STPG2: variants seen among roughly 807,000 people sequenced by gnomAD.
STPG2 encodes the protein sperm-tail PG-rich repeat-containing protein 2.
Under a neutral mutation model 54.2 loss-of-function variants are expected in STPG2, and 56 were observed. The ratio of observed to expected loss-of-function variants is 1.03; its 90% CI spans 0.83 to 1.29. The LOEUF is 1.29. Among genes scored for constraint, STPG2 ranks in the 50% most tolerant of loss-of-function variants. STPG2 has a pLI of 0.00. For missense variants in STPG2, 596 were observed against 544.9 expected (o/e 1.09, Z -0.93); for synonymous variants, 200 against 181.8 (o/e 1.10, Z -0.81).
Position 97,957,900 on chromosome 4 carries a change from C to T in STPG2, c.934-13893G>A, listed in dbSNP as rs780662693. ...ATTTGCCACTACCAGGCCAGTACTA[C>T]AAGAACTGCTAAAAGGAGCCCTAAA... On this transcript the variant is annotated intron_variant, in intron 7 of 10. Coordinates refer to ENST00000295268, the MANE Select transcript of STPG2 (RefSeq NM_174952.3). Among the ~76,000 whole-genome samples the T allele has an allele frequency of 3.9e-5, 6 of 152,158 alleles. No homozygotes were observed. The South Asian group carries it at 8.3e-4, about 21-fold the overall frequency.
intron 10 of STPG2, among the ~76,000 whole-genome samples, chr4:97,636,692 C>T (rs967502401): frequency 2.0e-5 from 3 of 152,088 alleles, no homozygotes; most frequent in African/African-American, 7.2e-5. Flanking sequence ...TACAAACTAC[C>T]ATCAGAGAAA....
chr4:97,877,858 C>T (rs1312468605), intron 8 of STPG2, among the ~76,000 whole-genome samples: 3 of 152,174 alleles, frequency 2.0e-5, no homozygotes, highest in Non-Finnish European at 4.4e-5. Flanking sequence ...AGTCCACAGT[C>T]CAAAGTCTCA....
At chr4:97,830,507 C>G (rs1195617976) in intron 9 of STPG2, among the ~76,000 whole-genome samples, 4 of 152,122 alleles carry the variant, frequency 2.6e-5, no homozygotes, top group Non-Finnish European at 4.4e-5. Flanking sequence ...ATGACAGGAT[C>G]AAGTTCACAC....
intron 10 of STPG2, among the ~76,000 whole-genome samples, chr4:97,689,197 C>T (rs547804396): frequency 6.6e-6 from 1 of 152,202 alleles, no homozygotes; most frequent in South Asian, 2.1e-4. Flanking sequence ...TGATGTAAAA[C>T]TTTTTGTATT....
At chr4:97,907,083 G>A (rs1162274121) in intron 8 of STPG2, among the ~76,000 whole-genome samples, 11 of 151,992 alleles carry the variant, frequency 7.2e-5, no homozygotes, top group Admixed American at 7.2e-4. Flanking sequence ...AATTGTCCCT[G>A]TTTGCAGACG....
At chr4:97,641,588 T>C (rs1389089172) in intron 10 of STPG2, among the ~76,000 whole-genome samples, 3 of 151,460 alleles carry the variant, frequency 2.0e-5, no homozygotes, top group Non-Finnish European at 4.4e-5. Context: ...TAACTTTTAT[T>C]ATTTCACTTT....
intron 9 of STPG2, among the ~76,000 whole-genome samples, chr4:97,820,624 T>C (rs193023874): frequency 6.6e-6 from 1 of 152,290 alleles, no homozygotes. Flanking sequence ...GACTGTGTAA[T>C]TTATAAAGAA....
intron 4 of STPG2, among the ~76,000 whole-genome samples, chr4:97,453,921 G>T (rs1729444120): frequency 6.6e-6 from 1 of 151,978 alleles, no homozygotes; most frequent in African/African-American, 2.4e-5. Flanking sequence ...AGAGGTGGAG[G>T]TATAAGGCTT....
intron 8 of STPG2, among the ~76,000 whole-genome samples, chr4:97,901,028 C>T (rs1248100534): frequency 1.3e-5 from 2 of 151,904 alleles, no homozygotes; most frequent in Non-Finnish European, 2.9e-5. Flanking sequence ...AACAAATCCA[C>T]ATTGCAAGTT....
At chr4:97,568,543 C>T (rs61042365) in intron 10 of STPG2, among the ~76,000 whole-genome samples, 16,211 of 151,930 alleles carry the variant, frequency 0.11, 2,571 homozygotes, top group African/African-American at 0.35. Flanking sequence ...TGGAAACAAC[C>T]ATACATACTG....
chr4:98,070,411 T>C (rs914048469), intron 5 of STPG2, among the ~76,000 whole-genome samples: 4 of 151,920 alleles, frequency 2.6e-5, no homozygotes, highest in African/African-American at 9.7e-5. Flanking sequence ...GCAAATATCA[T>C]ACTGAATGGG....
intron 5 of STPG2, among the ~76,000 whole-genome samples, chr4:97,993,128 G>A (rs573174777): frequency 6.6e-6 from 1 of 152,140 alleles, no homozygotes; most frequent in Non-Finnish European, 1.5e-5. Context: ...ATGTTGAGTA[G>A]AAGTGATGAA....
chr4:97,878,748 C>G (rs1361144771), intron 8 of STPG2, among the ~76,000 whole-genome samples: 1 of 152,158 alleles, frequency 6.6e-6, no homozygotes, highest in African/African-American at 2.4e-5. Flanking sequence ...CCCCATTATC[C>G]TGCATTGTCT....
rs73832126 is a variant in STPG2, at chr4:98,088,696, T to C, written c.612+17257A>G. 7.8e-3 allele frequency among the ~76,000 whole-genome samples: 1,139 copies of C among 145,830 alleles called. 16 individuals carry two copies. Among genetic ancestry groups the C allele is most frequent in the African/African-American group, 0.027 (1,064 of 39,388 alleles). On this transcript the variant is annotated intron_variant, in intron 5 of 10. Coordinates refer to ENST00000295268, the MANE Select transcript of STPG2 (RefSeq NM_174952.3). ...GGAAAAAAAAAAAAAAAAAAAACTC[T>C]AGCCATTCAAGAGCTTATTCTCTGC...
chr4:97,873,289 T>A (rs1313830192), intron 8 of STPG2, among the ~76,000 whole-genome samples: 1 of 151,240 alleles, frequency 6.6e-6, no homozygotes, highest in Non-Finnish European at 1.5e-5. Context: ...CAGTTTCCAT[T>A]ATTTTCAAAA....
intron 10 of STPG2, among the ~76,000 whole-genome samples, chr4:97,680,123 T>G (rs1722986307): frequency 6.6e-6 from 1 of 151,240 alleles, no homozygotes; most frequent in African/African-American, 2.4e-5. Flanking sequence ...CTTTTTTGGT[T>G]CCATATGAAC....
chr4:97,829,896 G>T (rs1027228484), intron 9 of STPG2, among the ~76,000 whole-genome samples: 5 of 152,128 alleles, frequency 3.3e-5, no homozygotes, highest in Non-Finnish European at 7.4e-5. Flanking sequence ...ATCTACGTTT[G>T]TTAGGTGTAC....
intron 8 of STPG2, among the ~76,000 whole-genome samples, chr4:97,941,384 T>C (rs1195643140): frequency 1.3e-5 from 2 of 152,116 alleles, no homozygotes; most frequent in Non-Finnish European, 1.5e-5. Context: ...CAACTTTCTG[T>C]TTTCTATATC....
chr4:97,634,531 C>A (rs915365013), intron 10 of STPG2, among the ~76,000 whole-genome samples: 7 of 152,056 alleles, frequency 4.6e-5, no homozygotes, highest in African/African-American at 1.7e-4. Context: ...TTCAGACGAT[C>A]AAATTACTCT....
Sources: allele counts gnomAD v4.1 joint callset (sites outside exome capture counted in the v4.1 genomes callset), GRCh38; gene constraint gnomAD v4.1.1; transcripts MANE v1.5; gene names NCBI Gene and HGNC (gene_info 2026-07-23, HGNC 2026-07-21).